The following ABCC5 variants were observed in gnomAD, a reference collection of about 807,000 sequenced individuals.
The protein encoded by ABCC5 is ATP-binding cassette sub-family C member 5.
A neutral mutation model predicts 160.9 loss-of-function variants in ABCC5; 61 were observed. The ratio of observed to expected loss-of-function variants is 0.38; its 90% CI spans 0.31 to 0.47. The LOEUF is 0.47. ABCC5 is among the 20% of genes least tolerant of loss of function. ABCC5 has a pLI of 0.99. For missense variants in ABCC5, 1,308 were observed against 1,813.3 expected, an observed-to-expected ratio of 0.72 and a Z score of 5.06; for synonymous variants, 666 against 700.6, an observed-to-expected ratio of 0.95 and a Z score of 0.78.
chr3:184,007,193 T>C (rs1721292695), intron 2 of ABCC5, among the ~76,000 whole-genome samples: 1 of 151,638 alleles, frequency 6.6e-6, no homozygotes, highest in Non-Finnish European at 1.5e-5. Flanking sequence ...GCTAATTTTT[T>C]GTATTTTTAG....
intron 29 of ABCC5, among the ~76,000 whole-genome samples, chr3:183,922,226 G>C (rs1227426201): frequency 6.6e-6 from 1 of 151,956 alleles, no homozygotes; most frequent in Non-Finnish European, 1.5e-5. Context: ...ACAAAAATTA[G>C]CTGGGTGTGG....
intron 10 of ABCC5, among the ~76,000 whole-genome samples, chr3:183,974,263 G>T (rs1017347864): frequency 7.2e-5 from 11 of 151,950 alleles, no homozygotes; most frequent in African/African-American, 2.4e-4. Context: ...CTACTCACAG[G>T]GTTGCCAGAT....
chr3:183,966,368 C>T (rs545117624), intron 12 of ABCC5, among the ~76,000 whole-genome samples: 6 of 152,326 alleles, frequency 3.9e-5, no homozygotes, highest in Non-Finnish European at 7.4e-5. Context: ...CTTCTGGCTG[C>T]TGCACAAACA....
In ABCC5 at chr3:183,982,795, A is replaced by T; in HGVS notation, c.804T>A (p.Ile268=). 6.2e-7 allele frequency: 1 copy of T among 1,614,214 alleles called. No homozygotes were observed. The highest frequency in any genetic ancestry group is 8.5e-7 in the Non-Finnish European group (1 of 1,180,036). ...TCACCTCACCCAGGGATTTCTCTTT[A>T]ATGTTCTTTAACTTAAGGATCTTCT... The part of the protein sequence containing the change: ...AFKKILKLKN[I]KEKSLGELIN... The change falls in exon 6 of 30, where the codon ATT becomes ATA. Residue 268 remains isoleucine (I), a synonymous_variant. Coordinates refer to ENST00000334444, the MANE Select transcript of ABCC5 (RefSeq NM_005688.4). The surrounding 1 kb of genome is among the most constrained non-coding windows in gnomAD (Gnocchi z 5.2).
intron 2 of ABCC5, among the ~76,000 whole-genome samples, chr3:183,991,123 C>T (rs941665446): frequency 6.6e-6 from 1 of 151,676 alleles, no homozygotes; most frequent in Admixed American, 6.6e-5. Flanking sequence ...AACACACCAT[C>T]TCTACAAAAA....
At chr3:183,981,537 G>A (rs1312042149) in intron 8 of ABCC5, among the ~76,000 whole-genome samples, 190 bp downstream of exon 8, 1 of 152,168 alleles carries the variant, frequency 6.6e-6, no homozygotes, top group Non-Finnish European at 1.5e-5. Flanking sequence ...TTCCTCATCA[G>A]TGAGATGAGG....
intron 24 of ABCC5, among the ~76,000 whole-genome samples, chr3:183,943,945 C>A (rs1157118133): frequency 2.0e-5 from 3 of 152,200 alleles, no homozygotes; most frequent in African/African-American, 7.2e-5. Context: ...ATACACTGGG[C>A]AGCCACCTGC....
At chr3:183,927,816 G>T in intron 27 of ABCC5, 1 of 985,410 alleles carries the variant, frequency 1.0e-6, no homozygotes, top group Non-Finnish European at 1.2e-6. Context: ...CCGTAGGCCC[G>T]TGCCTGTGAA....
At chr3:183,969,428 C>T (rs1341197006) in intron 11 of ABCC5, among the ~76,000 whole-genome samples, 4 of 152,226 alleles carry the variant, frequency 2.6e-5, no homozygotes, top group African/African-American at 9.6e-5. Context: ...TGCAGCAGCT[C>T]ACGCCTATAA....
chr3:183,937,878 C>T (rs200585250), intron 26 of ABCC5, 23 bp downstream of exon 26: 68 of 1,612,642 alleles, frequency 4.2e-5, no homozygotes, highest in Non-Finnish European at 5.2e-5. Context: ...ACGCACGAGA[C>T]ATGCAGGTGC....
chr3:183,928,752 CT>C lies in ABCC5; in HGVS notation c.3927del (p.Glu1310AsnfsTer8). ...CCCCTAAGCTCTTCACTTACACATT[CT>C]TTCATGTGTGTCCTCTCCAGGGCAT... ...IWDALERTHMKECIAQLPLKL... is the reference protein window; with the variant it reads ...IWDALERTHMXECIAQLPLKL... On this transcript the variant is annotated frameshift_variant, in exon 27 of 30. Coordinates refer to ENST00000334444, the MANE Select transcript of ABCC5 (RefSeq NM_005688.4). LOFTEE classifies it high-confidence loss of function. 1.2e-6 allele frequency: 2 copies of C among 1,613,816 alleles called. No homozygotes were observed. The highest frequency in any genetic ancestry group is 1.7e-6 in the Non-Finnish European group (2 of 1,179,676).
In ABCC5 at chr3:183,921,208, C is replaced by A; in HGVS notation, c.*92G>T. Reference sequence around the variant, plus strand: ...GTGCGAAAGATAAAATCGAGAAAGGCAAGGTTTCGGTAGGAGGACGCGATG... The same window carrying A: ...GTGCGAAAGATAAAATCGAGAAAGGAAAGGTTTCGGTAGGAGGACGCGATG... On this transcript the variant is annotated 3_prime_UTR_variant, in exon 30 of 30. Transcript: ENST00000334444. This position sits in a 1 kb window ranked among gnomAD's most constrained non-coding sequence, Gnocchi z 4.1. The A allele has an allele frequency of 1.5e-6, 1 of 657,868 alleles. No individual in the cohort carries two copies. Among genetic ancestry groups the A allele is most frequent in the Non-Finnish European group, 2.7e-6 (1 of 373,858 alleles). 40.8% of individuals were successfully genotyped at this position (657,868 alleles called of 1,614,324 possible).
chr3:183,968,570 G>T (rs905568819), intron 11 of ABCC5, among the ~76,000 whole-genome samples: 1 of 152,042 alleles, frequency 6.6e-6, no homozygotes, highest in African/African-American at 2.4e-5. Flanking sequence ...AAAATCTGAG[G>T]AATATTTATA....
intron 2 of ABCC5, chr3:184,009,988 AC>A (rs1275677311): frequency 1.8e-5 from 8 of 437,140 alleles, no homozygotes; most frequent in Non-Finnish European, 4.6e-6. Context: ...CTACAAAAAA[AC>A]AAACAAAAAA....
intron 2 of ABCC5, among the ~76,000 whole-genome samples, chr3:183,995,316 T>G (rs777030186): frequency 4.6e-5 from 7 of 152,212 alleles, no homozygotes; most frequent in Non-Finnish European, 1.0e-4. Flanking sequence ...AATTTTTTTC[T>G]TTTACAATTG....
At chr3:183,950,202 G>T (rs1715215239) in intron 20 of ABCC5, 77 bp from the exon 21 acceptor site, 10 of 1,465,482 alleles carry the variant, frequency 6.8e-6, no homozygotes, top group Non-Finnish European at 9.1e-6. Flanking sequence ...ACAAAAAGGG[G>T]TTCCACAAAC....
intron 1 of ABCC5, among the ~76,000 whole-genome samples, chr3:184,016,785 T>C (rs1458138757): frequency 6.6e-6 from 1 of 152,170 alleles, no homozygotes; most frequent in Non-Finnish European, 1.5e-5. Context: ...CTTAGTCAGC[T>C]GCCCTTTTTT....
In ABCC5 at chr3:183,982,900, A is replaced by G. The variant is rs768506188; in HGVS notation, c.699T>C (p.Ser233=). The change falls in exon 6 of 30, where the codon TCT becomes TCC. Residue 233 remains serine (S), a synonymous_variant. Transcript: ENST00000334444. This position sits in a 1 kb window ranked among gnomAD's most constrained non-coding sequence, Gnocchi z 5.2. ...LGLLLTEIVR[S]WSLALTWALN... ...ATGCCCAAGTCAGTGCAAGCGACCA[A>G]GACCGCACGATTTCCGTCAGGAGGA... 1.9e-6 allele frequency: 3 copies of G among 1,614,250 alleles called. No individual in the cohort carries two copies. Among genetic ancestry groups the G allele is most frequent in the Non-Finnish European group, 2.5e-6 (3 of 1,180,038 alleles).
chr3:183,949,977 G>A lies in ABCC5; in HGVS notation c.3093C>T (p.Val1031=). The A allele has an allele frequency of 3.1e-6, 5 of 1,614,130 alleles. No individual in the cohort carries two copies. In the South Asian group the frequency reaches 5.5e-5, roughly 18 times the overall value. The part of the protein sequence containing the change: ...LVILFSVLHI[V]SRVLIRELKR... ...CATGAACGCTTCCTATTTACCTGGAGACAATGTGCAGGACTGAAAAGAGGA... is the reference window on the plus strand; with the variant it reads ...CATGAACGCTTCCTATTTACCTGGAAACAATGTGCAGGACTGAAAAGAGGA... The change falls in exon 21 of 30, where the codon GTC becomes GTT. Residue 1031 remains valine (V), a synonymous_variant. Transcript: ENST00000334444. This position sits in a 1 kb window ranked among gnomAD's most constrained non-coding sequence, Gnocchi z 4.2.
Sources: gnomAD v4.1 joint callset for allele counts (sites outside exome capture counted in the v4.1 genomes callset) on GRCh38, gnomAD v4.1.1 for gene constraint, Gnocchi (gnomAD v3.1) non-coding constraint, MANE v1.5 for transcripts, NCBI Gene and HGNC (gene_info 2026-07-23, HGNC 2026-07-21) for gene names.